Variants in MACROD1 observed in about 807,000 individuals in gnomAD.
MACROD1 encodes mono-ADP ribosylhydrolase 1.
A neutral mutation model predicts 41.4 loss-of-function variants in MACROD1; 31 were observed. That is an observed-to-expected ratio of 0.75 (90% CI 0.56 to 1.01). The LOEUF is 1.01. Ranked by LOEUF, MACROD1 falls within the 50% of genes least tolerant of loss-of-function variation. The pLI, the probability that MACROD1 is intolerant of heterozygous loss-of-function variation, is 0.00. For missense variants in MACROD1, 473 were observed against 460.0 expected (o/e 1.03, Z -0.26); for synonymous variants, 252 against 203.4 (o/e 1.24, Z -2.03).
rs1942799558 is a variant in MACROD1 at position 64,000,294 on chromosome 11, G to T, written c.597C>A (p.Cys199Ter). 1 of 1,598,674 alleles carries T rather than the reference G, an allele frequency of 6.3e-7. No homozygotes were observed. Among genetic ancestry groups the T allele is most frequent in the Admixed American group, 1.7e-5 (1 of 58,302 alleles). The change falls in exon 5 of 11, where the codon TGC (cysteine) becomes TGA (stop). Residue 199 changes from cysteine to a stop codon, truncating the protein, a stop_gained. Transcript: ENST00000255681. LOFTEE classifies it high-confidence loss of function. ...RAAGPLLTDE[C>*]RTLQSCKTGK... ...CAGTCTTACAGCTCTGCAGGGTCCG[G>T]CACTCGTCGGTAAGCAGGGGGCCGG...
chr11:64,062,801 G>A (rs1943929686), intron 3 of MACROD1, among the ~76,000 whole-genome samples: 1 of 152,066 alleles, frequency 6.6e-6, no homozygotes, highest in South Asian at 2.1e-4. Flanking sequence ...GCTTTATCAG[G>A]TGCCTGCCCA....
At chr11:64,159,140 T>C (rs973295136) in intron 1 of MACROD1, among the ~76,000 whole-genome samples, 1 of 151,424 alleles carries the variant, frequency 6.6e-6, no homozygotes, top group Non-Finnish European at 1.5e-5. Context: ...AACAACATGG[T>C]GAAACCCTGT....
chr11:64,118,605 T>TC (rs2134627622), intron 3 of MACROD1: 1 of 288,264 alleles, frequency 3.5e-6, no homozygotes, highest in East Asian at 6.5e-5. Flanking sequence ...TTTTTTTTTT[T>TC]TCCCCCCTGA....
chr11:64,015,163 T>C, intron 4 of MACROD1, 89 bp downstream of exon 4: 2 of 1,356,580 alleles, frequency 1.5e-6, no homozygotes, highest in South Asian at 3.1e-5. Flanking sequence ...TGCAGTGAGA[T>C]GGGCACCGAG....
intron 3 of MACROD1, among the ~76,000 whole-genome samples, chr11:64,063,841 G>C (rs1293118665): frequency 6.6e-6 from 1 of 152,200 alleles, no homozygotes; most frequent in Admixed American, 6.5e-5. Context: ...AATGCAATTA[G>C]CACAGACAAT....
At chr11:64,029,161 G>A (rs1943261752) in intron 3 of MACROD1, among the ~76,000 whole-genome samples, 1 of 152,238 alleles carries the variant, frequency 6.6e-6, no homozygotes, top group Non-Finnish European at 1.5e-5. Flanking sequence ...CCAGTGAGGT[G>A]GGGAGTGGCC....
At chr11:64,075,268 C>G (rs1944180618) in intron 3 of MACROD1, among the ~76,000 whole-genome samples, 1 of 152,258 alleles carries the variant, frequency 6.6e-6, no homozygotes, top group Non-Finnish European at 1.5e-5. Flanking sequence ...TAGGCTGGGA[C>G]CTGCCTGGCT....
At chr11:63,999,080 G>GC (rs772476341) in intron 8 of MACROD1, 44 bp from the exon 9 acceptor site, 13 of 1,537,612 alleles carry the variant, frequency 8.5e-6, no homozygotes, top group Admixed American at 5.8e-5. Context: ...GCCACGCCTG[G>GC]CCCCAGGATC....
At chr11:64,054,398 G>A (rs1402897937) in intron 3 of MACROD1, among the ~76,000 whole-genome samples, 1 of 152,172 alleles carries the variant, frequency 6.6e-6, no homozygotes. Flanking sequence ...AGCCTGATAG[G>A]CTTTGAGCTC....
At chr11:64,132,992 C>T (rs1945286790) in intron 3 of MACROD1, among the ~76,000 whole-genome samples, 1 of 152,166 alleles carries the variant, frequency 6.6e-6, no homozygotes, top group Non-Finnish European at 1.5e-5. Context: ...AGTCCTGGCC[C>T]CATGAGGCCT....
At chr11:64,148,092 G>A (rs1006291186) in intron 3 of MACROD1, among the ~76,000 whole-genome samples, 6 of 152,102 alleles carry the variant, frequency 3.9e-5, no homozygotes, top group African/African-American at 1.4e-4. Flanking sequence ...GCCTCTTCAG[G>A]GAGGGGAAAG....
intron 3 of MACROD1, among the ~76,000 whole-genome samples, chr11:64,028,541 C>G (rs1299676921): frequency 1.3e-5 from 2 of 152,054 alleles, no homozygotes; most frequent in Non-Finnish European, 2.9e-5. Flanking sequence ...ATGCGAGGCC[C>G]GGCCTCAGCC....
rs537876374 is a variant in MACROD1 at position 64,152,195 on chromosome 11, G to A, written c.400+97C>T. The stretch of plus-strand genomic sequence containing the variant: ...GAGCACCTGCCTGCAGCAAGCACTC[G>A]ATACATGCCACTGGACTAGCTCTTC... On this transcript the variant is annotated intron_variant, in intron 2 of 10. Transcript: ENST00000255681. 7.8e-5 allele frequency: 73 copies of A among 930,104 alleles called. 2 individuals are homozygous for A. The South Asian group carries it at 8.5e-4, about 11-fold the overall frequency. 57.6% of individuals were successfully genotyped at this position (930,104 alleles called of 1,614,324 possible). A position where few individuals can be genotyped will look rare whatever the true frequency, so the allele number is the denominator to read the frequency against.
intron 3 of MACROD1, among the ~76,000 whole-genome samples, chr11:64,085,386 C>T (rs1413117144): frequency 2.0e-5 from 3 of 152,216 alleles, no homozygotes; most frequent in Non-Finnish European, 2.9e-5. Context: ...CTGGGGGCGG[C>T]GGGCTGCCTG....
chr11:64,097,074 G>A (rs1461245836), intron 3 of MACROD1, among the ~76,000 whole-genome samples: 7 of 152,368 alleles, frequency 4.6e-5, no homozygotes, highest in South Asian at 2.1e-4. Flanking sequence ...CCTGCTGCCC[G>A]GGGATGGCGG....
intron 3 of MACROD1, chr11:64,116,559 A>G (rs781199923): frequency 3.1e-6 from 5 of 1,613,932 alleles, no homozygotes; most frequent in South Asian, 1.1e-5. Flanking sequence ...CAACGCCGGC[A>G]TCCCCCAGGA....
chr11:64,016,321 G>T (rs1943080923), intron 3 of MACROD1, among the ~76,000 whole-genome samples: 1 of 152,244 alleles, frequency 6.6e-6, no homozygotes, highest in South Asian at 2.1e-4. Flanking sequence ...AGCTCATCAG[G>T]GAAAGCAGCG....
chr11:64,074,111 CAAAG>C (rs1423605063), intron 3 of MACROD1, among the ~76,000 whole-genome samples: 1 of 152,322 alleles, frequency 6.6e-6, no homozygotes, highest in Non-Finnish European at 1.5e-5. Flanking sequence ...TGCCTCCTCT[CAAAG>C]AAAGAGTCAT....
At chr11:64,114,732 T>C (rs999880863) in intron 3 of MACROD1, among the ~76,000 whole-genome samples, 2 of 151,916 alleles carry the variant, frequency 1.3e-5, no homozygotes, top group Non-Finnish European at 2.9e-5. Context: ...GATGAATGGA[T>C]GGATGGATGG....
Sources: gnomAD v4.1 joint callset for allele counts (sites outside exome capture counted in the v4.1 genomes callset) on GRCh38, gnomAD v4.1.1 for gene constraint, MANE v1.5 for transcripts, NCBI Gene and HGNC (gene_info 2026-07-23, HGNC 2026-07-21) for gene names.